ERBB4: variants seen among roughly 807,000 people sequenced by gnomAD.
The protein encoded by ERBB4 is erb-b2 receptor tyrosine kinase 4.
A neutral mutation model predicts 158.0 loss-of-function variants in ERBB4; 42 were observed. That is an observed-to-expected ratio of 0.27 (90% CI 0.21 to 0.34). The LOEUF is 0.34. Ranked by LOEUF, ERBB4 falls within the 10% of genes least tolerant of loss-of-function variation. The probability of loss-of-function intolerance (pLI) is 1.00; values close to 1 mark genes in which losing one functional copy is unlikely to be tolerated. For missense variants in ERBB4, 1,333 were observed against 1,624.1 expected (o/e 0.82, Z 3.08); for synonymous variants, 583 against 558.7 (o/e 1.04, Z -0.61).
intron 5 of ERBB4, among the ~76,000 whole-genome samples, chr2:211,738,259 A>T (rs1427645514): frequency 6.6e-6 from 1 of 151,764 alleles, no homozygotes; most frequent in South Asian, 2.1e-4. Flanking sequence ...TTTTTTGCAG[A>T]TTTCTTGTAT....
chr2:211,379,655 A>C lies in ERBB4; in HGVS notation c.*3960T>G, dbSNP rs1341890784. On this transcript the variant is annotated 3_prime_UTR_variant, in exon 28 of 28. Coordinates refer to ENST00000342788, the MANE Select transcript of ERBB4 (RefSeq NM_005235.3). ...CATTTAACATCTGATAACCTAACTA[A>C]ATCTACATCTTATAGCATTATCGTG... 1 of 231,672 alleles carries C rather than the reference A, an allele frequency of 4.3e-6. No individual in the cohort carries two copies. The highest frequency in any genetic ancestry group is 2.2e-5 in the African/African-American group (1 of 45,272). The allele number at this position is 231,672 out of a possible 1,614,324, so 14.4% of individuals were successfully genotyped here. A position where few individuals can be genotyped will look rare whatever the true frequency, so the allele number is the denominator to read the frequency against.
intron 1 of ERBB4, among the ~76,000 whole-genome samples, chr2:212,395,005 T>G (rs2090982756): frequency 6.6e-6 from 1 of 152,120 alleles, no homozygotes; most frequent in Non-Finnish European, 1.5e-5. Flanking sequence ...TATGAATACA[T>G]TAGTAAAACA....
chr2:212,055,331 G>A (rs1389383244), intron 2 of ERBB4, among the ~76,000 whole-genome samples: 1 of 152,232 alleles, frequency 6.6e-6, no homozygotes, highest in Non-Finnish European at 1.5e-5. Flanking sequence ...CATGACAGCT[G>A]AATGAGGCCT....
chr2:212,260,837 C>T (rs1230421536), intron 1 of ERBB4, among the ~76,000 whole-genome samples: 3 of 151,568 alleles, frequency 2.0e-5, no homozygotes, highest in African/African-American at 7.3e-5. Context: ...AAAAAGTAGG[C>T]ACTCTAACTG....
At chr2:211,989,924 A>G (rs2082029726) in intron 2 of ERBB4, among the ~76,000 whole-genome samples, 1 of 151,982 alleles carries the variant, frequency 6.6e-6, no homozygotes, top group Non-Finnish European at 1.5e-5. Flanking sequence ...GCAAAATGGA[A>G]TCATTCATCC....
At chr2:212,120,380 T>C (rs2079711431) in intron 2 of ERBB4, among the ~76,000 whole-genome samples, 1 of 152,182 alleles carries the variant, frequency 6.6e-6, no homozygotes, top group Non-Finnish European at 1.5e-5. Context: ...TGAAATAACA[T>C]GACTCACATG....
At chr2:212,183,699 T>C in intron 1 of ERBB4, among the ~76,000 whole-genome samples, 1 of 152,030 alleles carries the variant, frequency 6.6e-6, no homozygotes, top group East Asian at 1.9e-4. Flanking sequence ...ACAAGATGTA[T>C]AGTCCATTGT....
rs571758484 is a variant in ERBB4 at position 211,968,427 on chromosome 2, C to T, written c.235-20811G>A. On this transcript the variant is annotated intron_variant, in intron 2 of 27. Coordinates refer to ENST00000342788, the MANE Select transcript of ERBB4 (RefSeq NM_005235.3). ...GTTTTAATGCAGATTTCAGCTGTGA[C>T]CAAATAGGACATGATTAAGATAAAG... Among the ~76,000 whole-genome samples, 5 of 151,990 alleles carry T rather than the reference C, an allele frequency of 3.3e-5. No individual in the cohort carries two copies. In the East Asian group the frequency reaches 5.8e-4, roughly 18 times the overall value.
chr2:211,802,908 C>T (rs928416755), intron 3 of ERBB4, among the ~76,000 whole-genome samples: 6 of 152,120 alleles, frequency 3.9e-5, no homozygotes, highest in Admixed American at 3.9e-4. Context: ...GGCAAATTTC[C>T]GATGCTGAAA....
intron 1 of ERBB4, among the ~76,000 whole-genome samples, chr2:212,489,792 T>C (rs1018726476): frequency 1.3e-5 from 2 of 151,658 alleles, no homozygotes; most frequent in East Asian, 3.9e-4. Flanking sequence ...TAATTCACAT[T>C]CTCAAGTGTA....
chr2:211,773,768 GTA>G (rs1322348021), intron 4 of ERBB4, among the ~76,000 whole-genome samples: 1 of 148,924 alleles, frequency 6.7e-6, no homozygotes, highest in Non-Finnish European at 1.5e-5. Context: ...TTTATGTGAA[GTA>G]TATATATAAA....
chr2:211,895,353 G>A (rs1285533304), intron 3 of ERBB4, among the ~76,000 whole-genome samples: 1 of 152,114 alleles, frequency 6.6e-6, no homozygotes, highest in Non-Finnish European at 1.5e-5. Flanking sequence ...GAACTCCTGG[G>A]CTAAAGTGAT....
chr2:212,506,601 T>C (rs966892105), intron 1 of ERBB4, among the ~76,000 whole-genome samples: 1 of 150,560 alleles, frequency 6.6e-6, no homozygotes, highest in African/African-American at 2.4e-5. Context: ...GGATAGAAGA[T>C]CAAACCAGCC....
chr2:212,079,127 T>A (rs772641359), intron 2 of ERBB4, among the ~76,000 whole-genome samples: 9 of 151,248 alleles, frequency 6.0e-5, no homozygotes, highest in Non-Finnish European at 1.3e-4. Flanking sequence ...ATAAAAATTT[T>A]TATATATATG....
intron 19 of ERBB4, among the ~76,000 whole-genome samples, chr2:211,570,466 T>G (rs955458217): frequency 6.6e-6 from 1 of 151,602 alleles, no homozygotes; most frequent in Non-Finnish European, 1.5e-5. Flanking sequence ...ATGCCAGGCC[T>G]CTTTTAGTTT....
chr2:211,712,781 G>T (rs567736098), intron 8 of ERBB4, among the ~76,000 whole-genome samples: 1 of 151,916 alleles, frequency 6.6e-6, no homozygotes, highest in Admixed American at 6.6e-5. Context: ...GTGTGGGTGG[G>T]GGGGGATGTA....
chr2:212,243,338 T>G (rs565017520), intron 1 of ERBB4, among the ~76,000 whole-genome samples: 71 of 152,310 alleles, frequency 4.7e-4, no homozygotes, highest in Non-Finnish European at 7.6e-4. Context: ...GGGAGGTTAT[T>G]ATTTCTAGCA....
rs1184787621 is a variant in ERBB4 at position 211,881,834 on chromosome 2, C to T, written c.421+65596G>A. Reference sequence around the variant, plus strand: ...TAAGCTCACTCTTTGTGTGTCTGCGCCCTTGATATTTGTAGCCATGAGACA... The same window carrying T: ...TAAGCTCACTCTTTGTGTGTCTGCGTCCTTGATATTTGTAGCCATGAGACA... On this transcript the variant is annotated intron_variant, in intron 3 of 27. Coordinates refer to ENST00000342788, the MANE Select transcript of ERBB4 (RefSeq NM_005235.3). Among the ~76,000 whole-genome samples, 3 of 152,076 alleles carry T rather than the reference C, an allele frequency of 2.0e-5. No individual in the cohort carries two copies. In the East Asian group the frequency reaches 5.8e-4, roughly 29 times the overall value.
At chr2:212,230,997 T>G (rs1370344725) in intron 1 of ERBB4, among the ~76,000 whole-genome samples, 2 of 152,224 alleles carry the variant, frequency 1.3e-5, no homozygotes, top group Admixed American at 1.3e-4. Context: ...TACCCAAATT[T>G]AAGAAATGTT....
Sources: allele counts gnomAD v4.1 joint callset (sites outside exome capture counted in the v4.1 genomes callset), GRCh38; gene constraint gnomAD v4.1.1; transcripts MANE v1.5; gene names NCBI Gene and HGNC (gene_info 2026-07-23, HGNC 2026-07-21).